PTPRT: variants seen among roughly 807,000 people sequenced by gnomAD.
PTPRT encodes the protein protein tyrosine phosphatase receptor type T.
A neutral mutation model predicts 176.8 loss-of-function variants in PTPRT; 56 were observed. The observed-to-expected ratio is 0.32, with a 90% CI of 0.26 to 0.40. The LOEUF is 0.40. PTPRT is among the 10% of genes least tolerant of loss of function. The pLI, the probability that PTPRT is intolerant of heterozygous loss-of-function variation, is 1.00. For missense variants in PTPRT, 1,540 were observed against 1,908.2 expected (o/e 0.81, Z 3.60); for synonymous variants, 783 against 739.0 (o/e 1.06, Z -0.96).
chr20:42,608,945 G>T (rs939037459), intron 7 of PTPRT, among the ~76,000 whole-genome samples: 3 of 152,082 alleles, frequency 2.0e-5, no homozygotes, highest in African/African-American at 4.8e-5. Context: ...TCAAAGATTT[G>T]GGGGCCATGT....
downstream of PTPRT, among the ~76,000 whole-genome samples, chr20:42,071,232 A>G (rs144263210): frequency 6.6e-4 from 100 of 152,342 alleles, no homozygotes; most frequent in African/African-American, 2.4e-3. Context: ...ATATCTGGAC[A>G]CATACAAAGA....
chr20:42,230,839 A>G lies in PTPRT; in HGVS notation c.2342+5390T>C, dbSNP rs182073996. ...CGTGTGCGTGTATACTGGAGAGACA[A>G]TAATGGGCCTTATCTTTAACTATCC... On this transcript the variant is annotated intron_variant, in intron 15 of 30. Coordinates refer to ENST00000373187, the MANE Select transcript of PTPRT (RefSeq NM_007050.6). Among the ~76,000 whole-genome samples the G allele has an allele frequency of 3.9e-5, 6 of 152,374 alleles. No homozygotes were observed. In the East Asian group the frequency reaches 1.2e-3, roughly 29 times the overall value.
At chr20:43,022,626 G>C (rs765640400) in intron 1 of PTPRT, among the ~76,000 whole-genome samples, 4 of 152,196 alleles carry the variant, frequency 2.6e-5, no homozygotes, top group Admixed American at 6.5e-5. Context: ...GAAGAGGAGA[G>C]TCTCTCCCAG....
intron 9 of PTPRT, among the ~76,000 whole-genome samples, chr20:42,356,823 G>A (rs140460498): frequency 3.3e-5 from 5 of 152,172 alleles, no homozygotes; most frequent in South Asian, 2.1e-4. Flanking sequence ...GGCCTCGCTC[G>A]TCCTCCCCCC....
At chr20:42,041,224 C>A in the PTPRT span, among the ~76,000 whole-genome samples, 10,760 of 152,190 alleles carry the variant, frequency 0.071, 490 homozygotes, top group African/African-American at 0.12. Flanking sequence ...GGGGTTCTCT[C>A]TCCGGCCCTG....
chr20:42,366,044 C>G (rs6072702), intron 9 of PTPRT, among the ~76,000 whole-genome samples: 54,476 of 152,160 alleles, frequency 0.36, 10,168 homozygotes, highest in Admixed American at 0.44. Flanking sequence ...CCTCCTGCTC[C>G]AGGGGACTTC....
At chr20:42,244,031 GC>G (rs1408186673) in intron 14 of PTPRT, among the ~76,000 whole-genome samples, 3 of 152,210 alleles carry the variant, frequency 2.0e-5, no homozygotes, top group African/African-American at 7.2e-5. Context: ...TAGATATTGT[GC>G]ATTGTAATTC....
At chr20:42,690,603 C>G (rs2075777882) in intron 6 of PTPRT, among the ~76,000 whole-genome samples, 1 of 152,204 alleles carries the variant, frequency 6.6e-6, no homozygotes, top group Non-Finnish European at 1.5e-5. Flanking sequence ...AAGTGGAAGT[C>G]TACCTCAATT....
At chr20:42,968,206 AG>A (rs1982412099) in intron 1 of PTPRT, among the ~76,000 whole-genome samples, 1 of 152,066 alleles carries the variant, frequency 6.6e-6, no homozygotes, top group Non-Finnish European at 1.5e-5. Context: ...AACAGAGCGG[AG>A]TTGTCTCCTC....
intron 1 of PTPRT, among the ~76,000 whole-genome samples, chr20:42,906,589 A>G (rs2079481198): frequency 6.6e-6 from 1 of 152,202 alleles, no homozygotes; most frequent in Non-Finnish European, 1.5e-5. Flanking sequence ...AAAAGAGCAC[A>G]TGCCCACTGA....
intron 7 of PTPRT, among the ~76,000 whole-genome samples, chr20:42,516,020 C>T (rs938714305): frequency 2.8e-5 from 4 of 145,142 alleles, no homozygotes; most frequent in Admixed American, 7.0e-5. Flanking sequence ...AACCAAACAC[C>T]GCATATTCTC....
chr20:42,764,187 G>A (rs540495772), intron 5 of PTPRT, among the ~76,000 whole-genome samples: 5 of 152,192 alleles, frequency 3.3e-5, no homozygotes, highest in South Asian at 2.1e-4. Flanking sequence ...TAAGGCCTGC[G>A]ATGCACCCTT....
intron 1 of PTPRT, among the ~76,000 whole-genome samples, chr20:42,972,676 C>CAAAAAAAAAA (rs33947245): frequency 1.6e-3 from 121 of 77,286 alleles, no homozygotes; most frequent in Middle Eastern, 0.016. Context: ...TCTCAAAAAG[C>CAAAAAAAAAA]AAAAAAAAAA....
intron 11 of PTPRT, among the ~76,000 whole-genome samples, chr20:42,345,331 C>T (rs779797096): frequency 4.0e-5 from 6 of 150,512 alleles, no homozygotes; most frequent in Non-Finnish European, 8.8e-5. Flanking sequence ...TTGAACAGCA[C>T]TCTTTTCAGA....
chr20:42,360,403 C>T (rs1019525722), intron 9 of PTPRT, among the ~76,000 whole-genome samples: 1 of 152,164 alleles, frequency 6.6e-6, no homozygotes, highest in Non-Finnish European at 1.5e-5. Context: ...AGTCAGAGTC[C>T]CATAGCAGGG....
At chr20:43,053,938 A>C (rs1214287696) in intron 1 of PTPRT, among the ~76,000 whole-genome samples, 1 of 152,226 alleles carries the variant, frequency 6.6e-6, no homozygotes, top group Non-Finnish European at 1.5e-5. Context: ...CCTATTTATC[A>C]ACCAACAAAT....
chr20:42,411,211 G>A (rs111699656), intron 9 of PTPRT, among the ~76,000 whole-genome samples: 7 of 152,228 alleles, frequency 4.6e-5, no homozygotes, highest in African/African-American at 1.4e-4. Context: ...TTGGGAGGCC[G>A]AGGCGGGCAG....
chr20:43,068,504 CAAA>C (rs3092671), intron 1 of PTPRT, among the ~76,000 whole-genome samples: 4 of 56,538 alleles, frequency 7.1e-5, no homozygotes, highest in Admixed American at 1.7e-4. Flanking sequence ...GACTCTGTCT[CAAA>C]AAAAAAAAAA....
At chr20:42,993,834 G>A (rs1407309514) in intron 1 of PTPRT, among the ~76,000 whole-genome samples, 1 of 151,770 alleles carries the variant, frequency 6.6e-6, no homozygotes, top group Non-Finnish European at 1.5e-5. Context: ...CTCTCTGCTT[G>A]GTGATTGCCC....
Sources: allele counts gnomAD v4.1 joint callset (sites outside exome capture counted in the v4.1 genomes callset), GRCh38; gene constraint gnomAD v4.1.1; transcripts MANE v1.5; gene names NCBI Gene and HGNC (gene_info 2026-07-23, HGNC 2026-07-21).